Variants in NAA11 observed in about 807,000 individuals in gnomAD.
The protein encoded by NAA11 is N-alpha-acetyltransferase 11.
A neutral mutation model predicts 16.1 loss-of-function variants in NAA11; 15 were observed. The ratio of observed to expected loss-of-function variants is 0.93; its 90% CI spans 0.62 to 1.44. The LOEUF (loss-of-function observed/expected upper bound fraction) is 1.44. Ranked by LOEUF, NAA11 falls within the 40% of genes most tolerant of loss-of-function variation. NAA11 has a pLI of 0.00. For missense variants in NAA11, 298 were observed against 291.3 expected (o/e 1.02, Z -0.17); for synonymous variants, 122 against 112.4 (o/e 1.09, Z -0.54).
chr4:79,291,114 A>G (rs1396341128), intron 2 of NAA11, among the ~76,000 whole-genome samples: 2 of 152,168 alleles, frequency 1.3e-5, no homozygotes, highest in African/African-American at 2.4e-5. Context: ...TAGTTCTTAT[A>G]TAATTTATTA....
the NAA11 span, among the ~76,000 whole-genome samples, chr4:79,158,152 C>T: frequency 1.4e-5 from 2 of 145,652 alleles, no homozygotes; most frequent in Non-Finnish European, 3.1e-5. Context: ...CCGCCTGCCT[C>T]GGCCTCCCAA....
chr4:79,278,415 C>T (rs946143884), intron 2 of NAA11, among the ~76,000 whole-genome samples: 3 of 152,112 alleles, frequency 2.0e-5, no homozygotes, highest in Non-Finnish European at 4.4e-5. Flanking sequence ...CCTACCTCTT[C>T]AATCCTATCT....
At chr4:79,160,403 T>G in the NAA11 span, among the ~76,000 whole-genome samples, 1 of 152,230 alleles carries the variant, frequency 6.6e-6, no homozygotes, top group Non-Finnish European at 1.5e-5. Context: ...AGAGTTGAGT[T>G]GCTAGGTCCT....
the NAA11 span, among the ~76,000 whole-genome samples, chr4:79,190,360 A>G: frequency 6.6e-5 from 10 of 152,328 alleles, no homozygotes; most frequent in African/African-American, 2.4e-4. Flanking sequence ...AAAAGTTTGT[A>G]TATGAAGAGC....
the NAA11 span, among the ~76,000 whole-genome samples, chr4:79,187,872 G>A: frequency 2.0e-5 from 3 of 151,718 alleles, no homozygotes; most frequent in Admixed American, 6.6e-5. Context: ...GGTGGCGGGC[G>A]CCTGTAGTCC....
At chr4:79,257,335 T>C (rs1722138493) in intron 2 of NAA11, among the ~76,000 whole-genome samples, 1 of 152,236 alleles carries the variant, frequency 6.6e-6, no homozygotes, top group African/African-American at 2.4e-5. Context: ...AGATATATCT[T>C]GGTGTAGGTC....
the NAA11 span, chr4:79,197,574 T>C: frequency 6.6e-6 from 1 of 152,038 alleles, no homozygotes; most frequent in African/African-American, 2.4e-5. Context: ...AGCTTCTCCT[T>C]GTCATCTGCT....
the NAA11 span, among the ~76,000 whole-genome samples, chr4:79,215,837 A>G: frequency 2.5e-3 from 381 of 152,302 alleles, 2 homozygotes; most frequent in Non-Finnish European, 4.5e-3. Flanking sequence ...GGATTAAATA[A>G]ATGAATACAT....
the NAA11 span, among the ~76,000 whole-genome samples, chr4:79,187,686 T>C: frequency 6.6e-6 from 1 of 152,178 alleles, no homozygotes; most frequent in African/African-American, 2.4e-5. Flanking sequence ...TCATGCAGTT[T>C]AGCAAACTGA....
In NAA11 at chr4:79,258,436, A is replaced by G. The variant is rs143637369; in HGVS notation, c.*123-32166T>C. Among the ~76,000 whole-genome samples, 583 of 152,280 alleles carry G rather than the reference A, an allele frequency of 3.8e-3. 5 individuals are homozygous for G. Among genetic ancestry groups the G allele is most frequent in the African/African-American group, 0.013 (552 of 41,560 alleles). ...CTGTCAGCACCTACTTTGATCTTGG[A>G]GCAAAGTCGGAGCTGAGCCCAGGTG... On this transcript the variant is annotated intron_variant and NMD_transcript_variant, in intron 2 of 2. Transcript: ENST00000511542.
chr4:79,305,039 T>C (rs1723532246), intron 1 of NAA11: 1 of 152,210 alleles, frequency 6.6e-6, no homozygotes, highest in Non-Finnish European at 1.5e-5. Flanking sequence ...AGACTGGCAG[T>C]GGTACCTCAT....
At chr4:79,254,075 C>T (rs2109969634) in intron 2 of NAA11, among the ~76,000 whole-genome samples, 1 of 152,316 alleles carries the variant, frequency 6.6e-6, no homozygotes, top group South Asian at 2.1e-4. Context: ...CCCAGTGTAG[C>T]TGGTTCTGTG....
chr4:79,188,368 G>T, the NAA11 span, among the ~76,000 whole-genome samples: 2 of 151,966 alleles, frequency 1.3e-5, no homozygotes, highest in African/African-American at 4.8e-5. Flanking sequence ...GGTGGATCAC[G>T]AGGTCGGGAG....
chr4:79,257,362 T>C (rs1051999798), intron 2 of NAA11, among the ~76,000 whole-genome samples: 1 of 152,056 alleles, frequency 6.6e-6, no homozygotes, highest in Non-Finnish European at 1.5e-5. Context: ...TTTCAATATT[T>C]TGGGGTATGC....
chr4:79,226,476 C>T (rs564733394), intron 2 of NAA11, among the ~76,000 whole-genome samples: 12 of 151,956 alleles, frequency 7.9e-5, no homozygotes, highest in East Asian at 3.9e-4. Context: ...ATGTGCACAA[C>T]GTGCAGGTTT....
At chr4:79,216,196 A>T in the NAA11 span, among the ~76,000 whole-genome samples, 28 of 152,158 alleles carry the variant, frequency 1.8e-4, no homozygotes, top group African/African-American at 6.8e-4. Context: ...TGTGTACTGT[A>T]GAAAAGTTGG....
chr4:79,298,492 A>G (rs1045430270), intron 1 of NAA11, among the ~76,000 whole-genome samples: 3 of 152,216 alleles, frequency 2.0e-5, no homozygotes, highest in African/African-American at 7.2e-5. Flanking sequence ...AGGTGCCACC[A>G]CATTCCTTAG....
At chr4:79,294,120 G>A (rs77502740) in intron 1 of NAA11, 1 of 152,284 alleles carries the variant, frequency 6.6e-6, no homozygotes, top group Non-Finnish European at 1.5e-5. Context: ...GCATTCTGTT[G>A]TAATAGGACA....
intron 2 of NAA11, among the ~76,000 whole-genome samples, chr4:79,289,514 A>T (rs1409330044): frequency 6.6e-6 from 1 of 152,194 alleles, no homozygotes. Context: ...TACATCAATT[A>T]TCTCGTTTTT....
Sources: gnomAD v4.1 joint callset for allele counts (sites outside exome capture counted in the v4.1 genomes callset) on GRCh38, gnomAD v4.1.1 for gene constraint, MANE v1.5 for transcripts, NCBI Gene and HGNC (gene_info 2026-07-23, HGNC 2026-07-21) for gene names.